The following RAB6B variants were observed in gnomAD, a reference collection of about 807,000 sequenced individuals.
RAB6B encodes ras-related protein Rab-6B.
A neutral mutation model predicts 31.2 loss-of-function variants in RAB6B; 7 were observed. The ratio of observed to expected loss-of-function variants is 0.22; its 90% CI spans 0.13 to 0.42. The LOEUF is 0.42. RAB6B is among the 10% of genes least tolerant of loss of function. The probability of loss-of-function intolerance (pLI) is 1.00; values close to 1 mark genes in which losing one functional copy is unlikely to be tolerated. For missense variants in RAB6B, 149 were observed against 280.6 expected (o/e 0.53, Z 3.35); for synonymous variants, 105 against 104.9 (o/e 1.00, Z -0.01).
chr3:133,852,505 C>A (rs1936001896), intron 2 of RAB6B, among the ~76,000 whole-genome samples: 1 of 147,302 alleles, frequency 6.8e-6, no homozygotes, highest in Non-Finnish European at 1.5e-5. Flanking sequence ...GGGTCTCACT[C>A]TGTTGCCCAG....
intron 2 of RAB6B, among the ~76,000 whole-genome samples, chr3:133,864,157 C>CGT (rs1474484577): frequency 1.7e-4 from 17 of 97,332 alleles, no homozygotes; most frequent in African/African-American, 8.0e-4. Context: ...TGTTTGTGTG[C>CGT]GTGTGTGGGG....
In RAB6B at chr3:133,834,601, T is replaced by G; in HGVS notation, c.536A>C (p.Asn179Thr). The change falls in exon 7 of 8, where the codon AAT becomes ACT. Residue 179 changes from asparagine (N) to threonine (T), a missense_variant. Around this residue, in one of 2 missense-constraint regions of RAB6B, gnomAD observed 74 missense variants for 100.5 expected, o/e 0.74. Transcript: ENST00000285208. ...RVASALPGME[N>T]VQEKSKEGMI... ...CCCTTCTTTGCTTTTCTCCTGGACA[T>G]TCTCCATTCCGGGTAGAGCCGACGC... is the stretch of plus-strand genomic sequence containing the variant. 6.2e-7 allele frequency: 1 copy of G among 1,614,126 alleles called. No homozygotes were observed. Among genetic ancestry groups the G allele is most frequent in the Non-Finnish European group, 8.5e-7 (1 of 1,179,960 alleles).
chr3:133,855,906 G>C (rs1227142519), intron 2 of RAB6B, among the ~76,000 whole-genome samples: 1 of 152,146 alleles, frequency 6.6e-6, no homozygotes, highest in Non-Finnish European at 1.5e-5. Flanking sequence ...AACGGTAATG[G>C]TGTGACTCAA....
intron 7 of RAB6B, 23 bp downstream of exon 7, chr3:133,834,552 C>T (rs753911637): frequency 6.3e-7 from 1 of 1,597,524 alleles, no homozygotes; most frequent in Non-Finnish European, 8.6e-7. Context: ...TCTTTTCACT[C>T]ACTTGTCAAA....
At chr3:133,868,083 C>A (rs1936262033) in intron 1 of RAB6B, among the ~76,000 whole-genome samples, 1 of 152,076 alleles carries the variant, frequency 6.6e-6, no homozygotes. Context: ...TCCTCTTGTC[C>A]ATTTCTGCCC....
rs527540984 is a variant in RAB6B, at chr3:133,868,448, C to T, written c.71-3806G>A. ...CCTGTGTCCCCCTGCCTCGCAACAG[C>T]TGCCGGAGTTTCTGCGGGAGCTGTC... On this transcript the variant is annotated intron_variant, in intron 1 of 7. Transcript: ENST00000285208. 2.6e-5 allele frequency among the ~76,000 whole-genome samples: 4 copies of T among 152,382 alleles called. No individual in the cohort carries two copies. The East Asian group carries it at 5.8e-4, about 22-fold the overall frequency.
At chr3:133,834,719 C>T in intron 6 of RAB6B, 78 bp from the exon 7 acceptor site, 1 of 1,317,736 alleles carries the variant, frequency 7.6e-7, no homozygotes, top group Non-Finnish European at 1.1e-6. Context: ...GCACCCTCAC[C>T]CCTCTTCCCC....
At chr3:133,841,743 G>C in intron 2 of RAB6B, 80 bp from the exon 3 acceptor site, 7 of 1,427,240 alleles carry the variant, frequency 4.9e-6, no homozygotes, top group Non-Finnish European at 6.8e-6. Flanking sequence ...ACAGGTGGTG[G>C]CATAACCAGC....
At chr3:133,841,937 G>C (rs112965151) in intron 2 of RAB6B, among the ~76,000 whole-genome samples, 3 of 152,306 alleles carry the variant, frequency 2.0e-5, no homozygotes, top group African/African-American at 7.2e-5. Flanking sequence ...GCAGTGGTGA[G>C]GAGGCCTCCC....
intron 1 of RAB6B, among the ~76,000 whole-genome samples, chr3:133,881,106 G>A (rs767636374): frequency 5.9e-5 from 9 of 152,166 alleles, no homozygotes; most frequent in East Asian, 5.8e-4. Context: ...GGGGAGCTGC[G>A]TCAATGTCCA....
chr3:133,882,528 G>A (rs537589751), intron 1 of RAB6B, among the ~76,000 whole-genome samples: 13 of 152,274 alleles, frequency 8.5e-5, no homozygotes, highest in African/African-American at 2.6e-4. Flanking sequence ...GTGGTGAACC[G>A]GGCTGATCAC....
chr3:133,859,257 G>A (rs1004526044), intron 2 of RAB6B, among the ~76,000 whole-genome samples: 9 of 152,198 alleles, frequency 5.9e-5, no homozygotes, highest in African/African-American at 2.2e-4. Flanking sequence ...GGGATTACAG[G>A]TGTGAACCCC....
chr3:133,828,862 G>T lies in RAB6B; in HGVS notation c.563-10C>A. 1 of 1,607,362 alleles carries T rather than the reference G, an allele frequency of 6.2e-7. No homozygotes were observed. Among genetic ancestry groups the T allele is most frequent in the African/African-American group, 1.3e-5 (1 of 74,838 alleles). On this transcript the variant is annotated splice_polypyrimidine_tract_variant and intron_variant, in intron 7 of 7. Coordinates refer to ENST00000285208, the MANE Select transcript of RAB6B (RefSeq NM_016577.4). The stretch of plus-strand genomic sequence containing the variant: ...AGCTTGATGTCGATCACTGCAGGGG[G>T]ACGGGCTAAGGAAGATGACTCTCCT...
At chr3:133,836,121 C>T (rs1935730808) in intron 6 of RAB6B, among the ~76,000 whole-genome samples, 2 of 152,316 alleles carry the variant, frequency 1.3e-5, no homozygotes, top group South Asian at 4.1e-4. Flanking sequence ...CAGCTGAGCA[C>T]CCGGGCTGGG....
At chr3:133,842,950 C>T (rs1559902156) in intron 2 of RAB6B, among the ~76,000 whole-genome samples, 2 of 152,142 alleles carry the variant, frequency 1.3e-5, no homozygotes, top group Non-Finnish European at 2.9e-5. Flanking sequence ...AAAACACAAC[C>T]AAAGGAAGCC....
intron 2 of RAB6B, among the ~76,000 whole-genome samples, chr3:133,852,986 C>T (rs1936008506): frequency 6.6e-6 from 1 of 152,212 alleles, no homozygotes; most frequent in Admixed American, 6.5e-5. Context: ...TAGCTATCTC[C>T]CCTACCCTCT....
intron 1 of RAB6B, among the ~76,000 whole-genome samples, chr3:133,882,392 G>A (rs984102112): frequency 1.3e-5 from 2 of 152,312 alleles, no homozygotes; most frequent in Admixed American, 6.5e-5. Flanking sequence ...ACTCTGGGGA[G>A]GAGGCTATGC....
chr3:133,850,727 A>C (rs1470350315), intron 2 of RAB6B, among the ~76,000 whole-genome samples: 3 of 152,160 alleles, frequency 2.0e-5, no homozygotes, highest in African/African-American at 7.2e-5. Context: ...GAATTGGACA[A>C]AAAAACTAAA....
chr3:133,854,690 A>G (rs1936049294), intron 2 of RAB6B, among the ~76,000 whole-genome samples: 1 of 152,222 alleles, frequency 6.6e-6, no homozygotes, highest in African/African-American at 2.4e-5. Context: ...ATCCACATTT[A>G]TCTTCTTCTG....
Sources: gnomAD v4.1 joint callset for allele counts (sites outside exome capture counted in the v4.1 genomes callset) on GRCh38, gnomAD v4.1.1 for gene constraint, gnomAD v4.1.1 regional missense constraint, MANE v1.5 for transcripts, NCBI Gene and HGNC (gene_info 2026-07-23, HGNC 2026-07-21) for gene names.